ADAM32: variants seen among roughly 807,000 people sequenced by gnomAD.
ADAM32 encodes ADAM metallopeptidase domain 32.
In ADAM32, 89 loss-of-function variants were observed where a neutral mutation model predicts 114.9. The observed-to-expected ratio is 0.77, with a 90% CI of 0.65 to 0.92. The LOEUF is 0.92. Among genes scored for constraint, ADAM32 ranks in the 40% least tolerant of loss-of-function variants. The pLI is 0.00. For missense variants in ADAM32, 870 were observed against 932.8 expected (o/e 0.93, Z 0.88); for synonymous variants, 285 against 307.5 (o/e 0.93, Z 0.77).
intron 6 of ADAM32, among the ~76,000 whole-genome samples, chr8:39,160,266 C>G (rs114343780): frequency 1.3e-5 from 2 of 152,140 alleles, no homozygotes; most frequent in Admixed American, 1.3e-4. Context: ...CAGAAAGGAG[C>G]GCGGTGGCTC....
intron 16 of ADAM32, among the ~76,000 whole-genome samples, chr8:39,235,044 T>C (rs1191315199): frequency 6.6e-6 from 1 of 152,066 alleles, no homozygotes; most frequent in Non-Finnish European, 1.5e-5. Context: ...TCCTGTGACC[T>C]GGGGATGGAG....
rs188585696 is a variant in ADAM32, at chr8:39,272,757, C to G, written c.2202-1555C>G. Among the ~76,000 whole-genome samples the G allele has an allele frequency of 2.0e-3, 305 of 152,240 alleles. 4 individuals are homozygous for G. The Middle Eastern group carries it at 0.024, about 12-fold the overall frequency. On this transcript the variant is annotated intron_variant, in intron 20 of 24. Transcript: ENST00000379907. ...ATAAACACTGTGCACTTAGGCTACA[C>G]TAAATTTACTTAAAAATTTATTTCT...
intron 11 of ADAM32, among the ~76,000 whole-genome samples, chr8:39,196,040 T>G (rs1362464821): frequency 6.6e-6 from 1 of 152,198 alleles, no homozygotes; most frequent in Non-Finnish European, 1.5e-5. Context: ...GTAGTTTTTG[T>G]GTAGAAGTCT....
chr8:39,132,221 G>A (rs979934047), intron 2 of ADAM32, among the ~76,000 whole-genome samples: 3 of 152,198 alleles, frequency 2.0e-5, no homozygotes. Context: ...GAGATAGATA[G>A]ATTGTACCAA....
chr8:39,224,634 A>G (rs933076020), intron 14 of ADAM32, among the ~76,000 whole-genome samples: 3 of 151,950 alleles, frequency 2.0e-5, no homozygotes, highest in Admixed American at 1.3e-4. Context: ...AGTTACTGAT[A>G]TATTTTGGAA....
intron 12 of ADAM32, 77 bp downstream of exon 12, chr8:39,211,401 C>G (rs1808208708): frequency 7.6e-7 from 1 of 1,321,978 alleles, no homozygotes; most frequent in Non-Finnish European, 9.9e-7. Flanking sequence ...TCATATATCT[C>G]AAATGTGAAT....
chr8:39,192,663 TTC>T (rs533191973), intron 11 of ADAM32, among the ~76,000 whole-genome samples: 46 of 152,344 alleles, frequency 3.0e-4, no homozygotes, highest in African/African-American at 1.1e-3. Flanking sequence ...GGTCTTTTCT[TTC>T]CACATTTAGT....
intron 16 of ADAM32, among the ~76,000 whole-genome samples, chr8:39,240,357 A>T (rs1308963594): frequency 6.6e-6 from 1 of 152,212 alleles, no homozygotes; most frequent in Non-Finnish European, 1.5e-5. Flanking sequence ...AATAGAAACT[A>T]AAAACTTCTT....
chr8:39,155,980 T>G (rs1025167388), intron 6 of ADAM32, among the ~76,000 whole-genome samples: 1 of 152,306 alleles, frequency 6.6e-6, no homozygotes, highest in East Asian at 1.9e-4. Context: ...CTTCTTTATG[T>G]TTTTATTATC....
At position 39,211,155 on chromosome 8, in the gene ADAM32, G is replaced by A; in HGVS notation, c.1064G>A (p.Gly355Asp). The change falls in exon 12 of 25, where the codon GGT (glycine) becomes GAT (aspartate). Residue 355 changes from glycine to aspartate, a missense_variant. Coordinates refer to ENST00000379907, the MANE Select transcript of ADAM32 (RefSeq NM_145004.7). Reference protein sequence around the residue: ...IMNPEVVQSNGVKTFSSCSLR... With the variant: ...IMNPEVVQSNDVKTFSSCSLR... ...GGATTCATCTTTAGGCAATCCAATGGTGTGAAGACTTTTAGCAGTTGCAGT... is the reference window on the plus strand; with the variant it reads ...GGATTCATCTTTAGGCAATCCAATGATGTGAAGACTTTTAGCAGTTGCAGT... 3 of 1,586,914 alleles carry A rather than the reference G, an allele frequency of 1.9e-6. No homozygotes were observed. Among genetic ancestry groups the A allele is most frequent in the Non-Finnish European group, 2.6e-6 (3 of 1,168,874 alleles).
At chr8:39,107,931 G>A (rs1839994797) in intron 1 of ADAM32, 98 bp downstream of exon 1, 3 of 1,400,574 alleles carry the variant, frequency 2.1e-6, no homozygotes, top group Non-Finnish European at 2.8e-6. Flanking sequence ...GGTCCCTTTG[G>A]TCCTGTCACC....
At chr8:39,148,001 A>G (rs1219042045) in intron 4 of ADAM32, among the ~76,000 whole-genome samples, 1 of 151,752 alleles carries the variant, frequency 6.6e-6, no homozygotes, top group Non-Finnish European at 1.5e-5. Context: ...CTTGTCTCGA[A>G]CCCCTGACCT....
At chr8:39,139,602 G>A (rs1283230249) in intron 3 of ADAM32, among the ~76,000 whole-genome samples, 1 of 152,172 alleles carries the variant, frequency 6.6e-6, no homozygotes, top group Non-Finnish European at 1.5e-5. Flanking sequence ...TTGAAGTCAG[G>A]TAGTATGATG....
Position 39,180,044 on chromosome 8 carries a change from C to A in ADAM32, c.916-6865C>A, listed in dbSNP as rs922597020. Reference sequence around the variant, plus strand: ...TGAGGAGCCCTTTGGCCCACCGCTGCACTGTGGGAGCCCCTTTCTGGGCTG... The same window carrying A: ...TGAGGAGCCCTTTGGCCCACCGCTGAACTGTGGGAGCCCCTTTCTGGGCTG... On this transcript the variant is annotated intron_variant, in intron 10 of 24. Coordinates refer to ENST00000379907, the MANE Select transcript of ADAM32 (RefSeq NM_145004.7). Among the ~76,000 whole-genome samples, 3 of 152,348 alleles carry A rather than the reference C, an allele frequency of 2.0e-5. No individual in the cohort carries two copies. In the East Asian group the frequency reaches 5.8e-4, roughly 30 times the overall value.
chr8:39,180,432 C>A (rs917785656), intron 10 of ADAM32, among the ~76,000 whole-genome samples: 3 of 152,236 alleles, frequency 2.0e-5, no homozygotes, highest in Non-Finnish European at 4.4e-5. Flanking sequence ...GGCTCCTTTG[C>A]GGCCCGAGCC....
At chr8:39,250,840 A>G (rs1015205413) in intron 17 of ADAM32, among the ~76,000 whole-genome samples, 17 of 151,988 alleles carry the variant, frequency 1.1e-4, no homozygotes, top group Non-Finnish European at 2.2e-4. Flanking sequence ...CCCATTACAC[A>G]TTCTGGCCTC....
chr8:39,284,915 G>A lies in ADAM32; in HGVS notation c.*116G>A, dbSNP rs1470356581. 15 of 1,352,402 alleles carry A rather than the reference G, an allele frequency of 1.1e-5. No individual in the cohort carries two copies. Among genetic ancestry groups the A allele is most frequent in the Admixed American group, 1.9e-5 (1 of 51,618 alleles). The allele number at this position is 1,352,402 out of a possible 1,614,324, so 83.8% of individuals were successfully genotyped here. A position where few individuals can be genotyped will look rare whatever the true frequency, so the allele number is the denominator to read the frequency against. On this transcript the variant is annotated 3_prime_UTR_variant, in exon 25 of 25. Transcript: ENST00000379907. ...CAATAAATTGAGTGTGGATCAATTT[G>A]CATGCCAGCGTGTTCGTTTTTTTTC...
intron 14 of ADAM32, among the ~76,000 whole-genome samples, chr8:39,227,853 C>T (rs975471153): frequency 6.6e-6 from 1 of 152,220 alleles, no homozygotes; most frequent in Non-Finnish European, 1.5e-5. Flanking sequence ...AAAGGACCAC[C>T]TCCTGGCAGG....
intron 11 of ADAM32, among the ~76,000 whole-genome samples, chr8:39,193,580 T>C (rs1389981438): frequency 1.3e-5 from 2 of 152,194 alleles, no homozygotes; most frequent in Admixed American, 6.5e-5. Flanking sequence ...CATTCTGGCT[T>C]TTTGAGTTGT....
Sources: allele counts gnomAD v4.1 joint callset (sites outside exome capture counted in the v4.1 genomes callset), GRCh38; gene constraint gnomAD v4.1.1; transcripts MANE v1.5; gene names NCBI Gene and HGNC (gene_info 2026-07-23, HGNC 2026-07-21).